Variants in VPS53 observed in about 807,000 individuals in gnomAD.
VPS53 encodes the protein vacuolar protein sorting-associated protein 53 homolog.
In VPS53, 70 loss-of-function variants were observed where a neutral mutation model predicts 107.0. That is an observed-to-expected ratio of 0.65 (90% CI 0.54 to 0.80). VPS53 has a LOEUF of 0.80. Among genes scored for constraint, VPS53 ranks in the 30% least tolerant of loss-of-function variants. VPS53 has a pLI of 0.00. For missense variants in VPS53, 917 were observed against 1,049.4 expected, an observed-to-expected ratio of 0.87 and a Z score of 1.74; for synonymous variants, 409 against 393.3, an observed-to-expected ratio of 1.04 and a Z score of -0.47.
intron 18 of VPS53, 189 bp from the exon 19 acceptor site, chr17:533,100 C>T: frequency 9.7e-7 from 1 of 1,032,618 alleles, no homozygotes; most frequent in Non-Finnish European, 1.4e-6. Context: ...TACATGAGGC[C>T]CTGGCAGGCC....
chr17:621,044 C>CA (rs1210318975), intron 11 of VPS53, among the ~76,000 whole-genome samples: 8 of 152,000 alleles, frequency 5.3e-5, no homozygotes, highest in African/African-American at 1.9e-4. Flanking sequence ...AGAAAATTTC[C>CA]AAAAAAACTA....
At chr17:710,048 G>T (rs1329402976) in intron 2 of VPS53, among the ~76,000 whole-genome samples, 5 of 152,112 alleles carry the variant, frequency 3.3e-5, no homozygotes, top group Non-Finnish European at 7.3e-5. Context: ...AGGAGGCTGA[G>T]GCAGAAGAAT....
intron 4 of VPS53, among the ~76,000 whole-genome samples, chr17:678,014 A>G (rs1161517040): frequency 6.6e-6 from 1 of 151,956 alleles, no homozygotes; most frequent in Non-Finnish European, 1.5e-5. Flanking sequence ...CCAGCTACTC[A>G]GGAGGCTGAG....
chr17:679,140 A>G (rs1280765645), intron 4 of VPS53, among the ~76,000 whole-genome samples: 3 of 152,216 alleles, frequency 2.0e-5, no homozygotes, highest in Admixed American at 2.0e-4. Context: ...TCCAAGTGCA[A>G]GTCCTCTGAG....
rs1459342677 is a variant in VPS53 at position 601,851 on chromosome 17, C to A, written c.1162G>T (p.Asp388Tyr). The A allele has an allele frequency of 1.9e-6, 3 of 1,603,418 alleles. No individual in the cohort carries two copies. Among genetic ancestry groups the A allele is most frequent in the East Asian group, 2.3e-5 (1 of 44,016 alleles). ...TCCTCCATCTCTGGTGTTGGCTCAT[C>A]TTCCAGGAAGGGATTGGTAGATGGG... ...PPPSTNPFLEDEPTPEMEELA... is the reference protein window; with the variant it reads ...PPPSTNPFLEYEPTPEMEELA... Residue 388 changes from aspartate to tyrosine, a missense_variant, in exon 12 of 22, where the codon GAT becomes TAT. Transcript: ENST00000437048.
At chr17:655,428 A>C (rs1971148366) in intron 6 of VPS53, among the ~76,000 whole-genome samples, 1 of 151,620 alleles carries the variant, frequency 6.6e-6, no homozygotes, top group African/African-American at 2.4e-5. Flanking sequence ...GCAGGGAGTG[A>C]ATATGGGCCT....
chr17:540,639 C>T (rs989540224), intron 17 of VPS53: 2 of 152,226 alleles, frequency 1.3e-5, no homozygotes, highest in Admixed American at 1.3e-4. Context: ...AGTTACCCCT[C>T]TACACTTAAA....
At chr17:533,629 C>A (rs1170907524) in intron 18 of VPS53, among the ~76,000 whole-genome samples, 1 of 152,232 alleles carries the variant, frequency 6.6e-6, no homozygotes, top group Non-Finnish European at 1.5e-5. Context: ...AGCCTTTCTT[C>A]TGCTGCCTTC....
intron 7 of VPS53, among the ~76,000 whole-genome samples, chr17:649,532 G>A (rs1339926144): frequency 1.5e-5 from 2 of 130,820 alleles, no homozygotes; most frequent in South Asian, 3.0e-4. Context: ...GAGGACAGAG[G>A]AATGGAACAG....
intron 4 of VPS53, among the ~76,000 whole-genome samples, chr17:683,890 A>T (rs1438191581): frequency 6.6e-6 from 1 of 152,240 alleles, no homozygotes; most frequent in Non-Finnish European, 1.5e-5. Context: ...AAATATTTTT[A>T]AAATTTATTT....
intron 12 of VPS53, among the ~76,000 whole-genome samples, chr17:598,694 CGTCTG>C (rs1968130507): frequency 2.4e-5 from 3 of 123,088 alleles, no homozygotes; most frequent in Non-Finnish European, 3.7e-5. Flanking sequence ...CCGGCCGCCC[CGTCTG>C]AGAAGTGAGG....
chr17:593,523 G>C (rs1279252493), intron 12 of VPS53, among the ~76,000 whole-genome samples: 1 of 152,122 alleles, frequency 6.6e-6, no homozygotes, highest in Non-Finnish European at 1.5e-5. Context: ...CTTCTCAAAA[G>C]AAGACATTTA....
In VPS53 at chr17:562,726, C is replaced by T. The variant is rs1184753625; in HGVS notation, c.1333G>A (p.Asp445Asn). The change falls in exon 14 of 22, where the codon GAT (aspartate) becomes AAT (asparagine). Residue 445 changes from aspartate (D) to asparagine (N), a missense_variant. Transcript: ENST00000437048. ...GCTTTGAAATCAGCCACAAACCGATCTATCAGCTCTCCGAGGTTCCTAGGA... is the reference window on the plus strand; with the variant it reads ...GCTTTGAAATCAGCCACAAACCGATTTATCAGCTCTCCGAGGTTCCTAGGA... ...SQDKNLGELI[D>N]RFVADFKAQG... 1 of 1,612,312 alleles carries T rather than the reference C, an allele frequency of 6.2e-7. No individual in the cohort carries two copies. Among genetic ancestry groups the T allele is most frequent in the Admixed American group, 1.7e-5 (1 of 59,804 alleles).
chr17:562,630 A>G lies in VPS53; in HGVS notation c.1429T>C (p.Tyr477His). 6.2e-7 allele frequency: 1 copy of G among 1,614,056 alleles called. No homozygotes were observed. Among genetic ancestry groups the G allele is most frequent in the South Asian group, 1.1e-5 (1 of 91,060 alleles). ...CATTGCACCATGCACTTCTTGTAGT[A>G]GACAAAGAGGTCGGCGCAGCTGGGG... Reference protein sequence around the residue: ...VLPSCADLFVYYKKCMVQCSQ... With the variant: ...VLPSCADLFVHYKKCMVQCSQ... Residue 477 changes from tyrosine (Y) to histidine (H), a missense_variant, in exon 14 of 22, where the codon TAC (tyrosine) becomes CAC (histidine). Coordinates refer to ENST00000437048, the MANE Select transcript of VPS53 (RefSeq NM_001128159.3).
chr17:703,589 ATGTGGT>A (rs1330587836), intron 2 of VPS53, among the ~76,000 whole-genome samples: 1 of 152,170 alleles, frequency 6.6e-6, no homozygotes, highest in Non-Finnish European at 1.5e-5. Context: ...TTTAGTTATA[ATGTGGT>A]TGTACAGTTT....
At chr17:678,245 C>A in intron 4 of VPS53, among the ~76,000 whole-genome samples, 1 of 151,748 alleles carries the variant, frequency 6.6e-6, no homozygotes. Context: ...CATAGCAAAA[C>A]CCTATCTCTA....
chr17:677,682 A>C (rs903510842), intron 4 of VPS53, among the ~76,000 whole-genome samples: 6 of 152,196 alleles, frequency 3.9e-5, no homozygotes, highest in African/African-American at 1.4e-4. Context: ...AGTATACTTT[A>C]AATAGATGAA....
At chr17:657,008 C>T in intron 5 of VPS53, 1 of 866,726 alleles carries the variant, frequency 1.2e-6, no homozygotes, top group Non-Finnish European at 2.0e-6. Context: ...GGGGATCACA[C>T]CAACTCTTCC....
At chr17:645,915 T>C (rs377106520) in intron 7 of VPS53, among the ~76,000 whole-genome samples, 11 of 86,258 alleles carry the variant, frequency 1.3e-4, no homozygotes, top group South Asian at 3.8e-4. Context: ...CTTTTCTAAT[T>C]CATACCACGG....
Sources: gnomAD v4.1 joint callset for allele counts (sites outside exome capture counted in the v4.1 genomes callset) on GRCh38, gnomAD v4.1.1 for gene constraint, MANE v1.5 for transcripts, NCBI Gene and HGNC (gene_info 2026-07-23, HGNC 2026-07-21) for gene names.